The following TNNI3K variants were observed in gnomAD, a reference collection of about 807,000 sequenced individuals.
TNNI3K encodes serine/threonine-protein kinase TNNI3K.
Under a neutral mutation model 114.5 loss-of-function variants are expected in TNNI3K, and 140 were observed. The ratio of observed to expected loss-of-function variants is 1.22; its 90% CI spans 1.07 to 1.41. TNNI3K has a LOEUF of 1.41. Among genes scored for constraint, TNNI3K ranks in the 40% most tolerant of loss-of-function variants. TNNI3K has a pLI of 0.00. For missense variants in TNNI3K, 1,125 were observed against 1,007.6 expected (o/e 1.12, Z -1.58); for synonymous variants, 347 against 347.5 (o/e 1.00, Z 0.02).
intron 5 of TNNI3K, among the ~76,000 whole-genome samples, chr1:74,311,789 A>G (rs1268590399): frequency 6.6e-6 from 1 of 152,168 alleles, no homozygotes; most frequent in Non-Finnish European, 1.5e-5. Flanking sequence ...TTGTGCAGAA[A>G]AATCCTTTGC....
chr1:74,484,776 C>T (rs1354681226), intron 21 of TNNI3K, among the ~76,000 whole-genome samples: 3 of 151,984 alleles, frequency 2.0e-5, no homozygotes, highest in Non-Finnish European at 2.9e-5. Flanking sequence ...AAAGACATAG[C>T]GTTTTAACCC....
intron 7 of TNNI3K, among the ~76,000 whole-genome samples, chr1:74,338,881 G>A (rs988437886): frequency 1.3e-5 from 2 of 152,110 alleles, no homozygotes; most frequent in African/African-American, 4.8e-5. Context: ...TTGTCAGGAT[G>A]TAAGGAATGC....
chr1:74,360,171 A>G (rs1273028856), intron 11 of TNNI3K, among the ~76,000 whole-genome samples: 1 of 151,770 alleles, frequency 6.6e-6, no homozygotes, highest in Non-Finnish European at 1.5e-5. Flanking sequence ...TAACCTCATA[A>G]CTGCCCTTTT....
intron 17 of TNNI3K, among the ~76,000 whole-genome samples, chr1:74,395,103 C>T (rs147156800): frequency 1.8e-4 from 27 of 151,970 alleles, no homozygotes; most frequent in East Asian, 7.8e-4. Flanking sequence ...AGGTGACATC[C>T]GGGAAGACTG....
At chr1:74,471,635 G>T in intron 21 of TNNI3K, 1 of 400,516 alleles carries the variant, frequency 2.5e-6, no homozygotes, top group Non-Finnish European at 4.4e-6. Flanking sequence ...TTTTTCTGTC[G>T]TTTCCAAGGG....
rs1187080781 is a variant in TNNI3K at position 74,448,400 on chromosome 1, C to T, written c.2011+8778C>T. Among the ~76,000 whole-genome samples, 17 of 146,894 alleles carry T rather than the reference C, an allele frequency of 1.2e-4. 1 individual carries two copies. Among genetic ancestry groups the T allele is most frequent in the African/African-American group, 4.5e-4 (17 of 38,078 alleles). On this transcript the variant is annotated intron_variant, in intron 20 of 24. Transcript: ENST00000326637. ...GGGTTTTCTAGATATACAATCATGT[C>T]GTCTGCAAACAGGGACAATTGACTT... is the stretch of plus-strand genomic sequence containing the variant.
chr1:74,499,640 G>C (rs1028358510), intron 23 of TNNI3K, among the ~76,000 whole-genome samples: 13 of 152,066 alleles, frequency 8.5e-5, no homozygotes, highest in African/African-American at 2.9e-4. Flanking sequence ...TAGATAAGAG[G>C]GGAGGGGGCT....
chr1:74,475,838 G>T (rs2100748987), intron 21 of TNNI3K: 1 of 543,494 alleles, frequency 1.8e-6, no homozygotes, highest in South Asian at 3.3e-5. Context: ...ACCATTAAAA[G>T]ATAACATCTT....
chr1:74,445,396 G>T, intron 20 of TNNI3K, among the ~76,000 whole-genome samples: 1 of 96,410 alleles, frequency 1.0e-5, no homozygotes, highest in Non-Finnish European at 1.9e-5. Context: ...ACAGTCCCCA[G>T]AGTGTGATAT....
chr1:74,486,905 T>A (rs898467787), intron 21 of TNNI3K, among the ~76,000 whole-genome samples: 1 of 152,176 alleles, frequency 6.6e-6, no homozygotes, highest in African/African-American at 2.4e-5. Context: ...CCAAGTGAAA[T>A]GACCACTGAG....
chr1:74,501,472 T>TCG (rs1669622835), intron 23 of TNNI3K, among the ~76,000 whole-genome samples: 1 of 112,822 alleles, frequency 8.9e-6, no homozygotes, highest in African/African-American at 3.0e-5. Context: ...TTTTTTTGTT[T>TCG]TGTGTTTGTT....
At chr1:74,246,251 A>T (rs559723908) in intron 2 of TNNI3K, among the ~76,000 whole-genome samples, 20 of 152,234 alleles carry the variant, frequency 1.3e-4, no homozygotes, top group Admixed American at 2.6e-4. Context: ...CTCAAAGCCA[A>T]ATATATTATG....
chr1:74,475,131 C>CACAG (rs1474017516), intron 21 of TNNI3K, among the ~76,000 whole-genome samples: 1 of 151,124 alleles, frequency 6.6e-6, no homozygotes, highest in Non-Finnish European at 1.5e-5. Context: ...CACACACACA[C>CACAG]ACACACACAC....
chr1:74,432,078 G>A (rs976382242), intron 17 of TNNI3K, among the ~76,000 whole-genome samples: 3 of 152,236 alleles, frequency 2.0e-5, no homozygotes, highest in Admixed American at 1.3e-4. Flanking sequence ...GTGTGTGTGT[G>A]TGTGTGCACA....
chr1:74,353,831 A>G lies in TNNI3K; in HGVS notation c.1028-149A>G, dbSNP rs1661516001. ...CTTAAAGTGATGTCTCGTTTGGTCA[A>G]TAATAAAATTAGTTCTTTATCAAAG... is the stretch of plus-strand genomic sequence containing the variant. On this transcript the variant is annotated intron_variant, in intron 10 of 24. Transcript: ENST00000326637. The G allele has an allele frequency of 4.2e-6, 5 of 1,177,566 alleles. No homozygotes were observed. In the Admixed American group the frequency reaches 8.9e-5, roughly 21 times the overall value. 72.9% of individuals were successfully genotyped at this position (1,177,566 alleles called of 1,614,324 possible). A position where few individuals can be genotyped will look rare whatever the true frequency, so the allele number is the denominator to read the frequency against.
At chr1:74,520,362 C>T (rs1388767397) in intron 23 of TNNI3K, among the ~76,000 whole-genome samples, 1 of 152,108 alleles carries the variant, frequency 6.6e-6, no homozygotes, top group Admixed American at 6.6e-5. Flanking sequence ...TTTGAGACTA[C>T]TTCGCGTGAG....
chr1:74,267,184 T>C (rs1466335379), intron 4 of TNNI3K, among the ~76,000 whole-genome samples: 1 of 151,998 alleles, frequency 6.6e-6, no homozygotes, highest in Non-Finnish European at 1.5e-5. Context: ...TATGGTAAAC[T>C]GCAAGCAATA....
intron 5 of TNNI3K, among the ~76,000 whole-genome samples, chr1:74,280,478 A>C (rs1011244084): frequency 6.6e-6 from 1 of 152,166 alleles, no homozygotes; most frequent in East Asian, 1.9e-4. Context: ...CCTCCCCACT[A>C]GTGGCACAGC....
intron 9 of TNNI3K, among the ~76,000 whole-genome samples, chr1:74,344,254 T>C (rs1160475198): frequency 6.6e-6 from 1 of 152,206 alleles, no homozygotes; most frequent in African/African-American, 2.4e-5. Context: ...ATAGTGACCA[T>C]ATGCCAGATG....
Sources: gnomAD v4.1 joint callset for allele counts (sites outside exome capture counted in the v4.1 genomes callset) on GRCh38, gnomAD v4.1.1 for gene constraint, MANE v1.5 for transcripts, NCBI Gene and HGNC (gene_info 2026-07-23, HGNC 2026-07-21) for gene names.